DEF8: variants seen among roughly 807,000 people sequenced by gnomAD.
The protein encoded by DEF8 is DEF-8.
DEF8 carries 38 observed loss-of-function variants against 59.1 expected under a neutral mutation model. The observed-to-expected ratio is 0.64, with a 90% CI of 0.50 to 0.84. DEF8 has a LOEUF of 0.84. Among genes scored for constraint, DEF8 ranks in the 40% least tolerant of loss-of-function variants. The probability of loss-of-function intolerance (pLI) is 0.00; values close to 1 mark genes in which losing one functional copy is unlikely to be tolerated. For synonymous variants in DEF8, 265 were observed against 250.1 expected (o/e 1.06, Z -0.56); for missense variants, 557 against 615.2 (o/e 0.91, Z 1.00).
intron 6 of DEF8, among the ~76,000 whole-genome samples, chr16:89,960,387 T>C (rs1001721618): frequency 1.3e-5 from 2 of 152,074 alleles, no homozygotes; most frequent in Non-Finnish European, 2.9e-5. Flanking sequence ...CTCACGCCTG[T>C]AATCCTAGGG....
rs143003430 is a variant in DEF8, at chr16:89,965,718, G to T, written c.1254-143G>T. On this transcript the variant is annotated intron_variant, in intron 12 of 12. Coordinates refer to ENST00000563594, the MANE Select transcript of DEF8 (RefSeq NM_001242818.2). Reference sequence around the variant, plus strand: ...TAAGCGCTCTGCACACGGCCATACAGTCACTTGCATCTGGCTGCAGACTCC... The same window carrying T: ...TAAGCGCTCTGCACACGGCCATACATTCACTTGCATCTGGCTGCAGACTCC... 4.8e-3 allele frequency: 2,806 copies of T among 587,144 alleles called. 10 individuals are homozygous for T. The highest frequency in any genetic ancestry group is 6.6e-3 in the Non-Finnish European group (2,158 of 327,372). The allele number at this position is 587,144 out of a possible 1,614,324, so 36.4% of individuals were successfully genotyped here.
intron 10 of DEF8, among the ~76,000 whole-genome samples, 196 bp downstream of exon 10, chr16:89,963,639 C>G (rs918877934): frequency 6.6e-6 from 1 of 152,190 alleles, no homozygotes; most frequent in Non-Finnish European, 1.5e-5. Flanking sequence ...GTTTGGCAAA[C>G]CCTGCAGCCC....
At chr16:89,955,637 G>C (rs1349760032) in intron 4 of DEF8, among the ~76,000 whole-genome samples, 1 of 152,202 alleles carries the variant, frequency 6.6e-6, no homozygotes, top group African/African-American at 2.4e-5. Flanking sequence ...CCGAGAGTCA[G>C]GGTGTGGGAG....
Position 89,954,464 on chromosome 16 carries a change from C to T in DEF8, c.124+88C>T, listed in dbSNP as rs1460798207. ...TCCTTTCTTCCTGCCGCGTCCTGCG[C>T]AGCCCTGGCTTTCCCACGGAGCCGG... On this transcript the variant is annotated intron_variant, in intron 3 of 12. Transcript: ENST00000563594. This position sits in a 1 kb window ranked among gnomAD's most constrained non-coding sequence, Gnocchi z 4.3. 6 of 1,458,772 alleles carry T rather than the reference C, an allele frequency of 4.1e-6. No homozygotes were observed. Among genetic ancestry groups the T allele is most frequent in the African/African-American group, 1.4e-5 (1 of 70,678 alleles). 90.4% of individuals were successfully genotyped at this position (1,458,772 alleles called of 1,614,324 possible).
At position 89,959,934 on chromosome 16, in the gene DEF8, G is replaced by A. The variant is rs143139898; in HGVS notation, c.514+779G>A. Among the ~76,000 whole-genome samples, 275 of 152,268 alleles carry A rather than the reference G, an allele frequency of 1.8e-3. 2 individuals are homozygous for A. Among genetic ancestry groups the A allele is most frequent in the African/African-American group, 6.4e-3 (267 of 41,554 alleles). ...TAAGGAGGAGCAGAGAGCCAGGTGT[G>A]GCTGCAGCTTTGTGTCTGGAGGACT... On this transcript the variant is annotated intron_variant, in intron 6 of 12. Coordinates refer to ENST00000563594, the MANE Select transcript of DEF8 (RefSeq NM_001242818.2).
At position 89,967,605 on chromosome 16, in the gene DEF8, C is replaced by G. The variant is rs897902582; in HGVS notation, c.*1642C>G. On this transcript the variant is annotated 3_prime_UTR_variant, in exon 13 of 13. Coordinates refer to ENST00000563594, the MANE Select transcript of DEF8 (RefSeq NM_001242818.2). ...CAGTGTGGGTTCCTGTCCTGTTTCCCCTTCCTCTTTGGGGCTGAGGAGGAG... is the reference window on the plus strand; with the variant it reads ...CAGTGTGGGTTCCTGTCCTGTTTCCGCTTCCTCTTTGGGGCTGAGGAGGAG... 1 of 397,612 alleles carries G rather than the reference C, an allele frequency of 2.5e-6. No homozygotes were observed. The highest frequency in any genetic ancestry group is 4.4e-6 in the Non-Finnish European group (1 of 225,938). The allele number at this position is 397,612 out of a possible 1,614,324, so 24.6% of individuals were successfully genotyped here.
Position 89,954,147 on chromosome 16 carries a change from G to T in DEF8, c.-10-96G>T. ...CACTTTAGGGAAGTGAAAGAGGCCAGCCTCACCCCAGACACCCCAGTGTGG... is the reference window on the plus strand; with the variant it reads ...CACTTTAGGGAAGTGAAAGAGGCCATCCTCACCCCAGACACCCCAGTGTGG... On this transcript the variant is annotated intron_variant, in intron 2 of 12. Transcript: ENST00000563594. This position sits in a 1 kb window ranked among gnomAD's most constrained non-coding sequence, Gnocchi z 4.3. 7.0e-7 allele frequency: 1 copy of T among 1,419,596 alleles called. No homozygotes were observed. 87.9% of individuals were successfully genotyped at this position (1,419,596 alleles called of 1,614,324 possible). A position where few individuals can be genotyped will look rare whatever the true frequency, so the allele number is the denominator to read the frequency against.
At chr16:89,962,943 C>T (rs372070111) in intron 9 of DEF8, among the ~76,000 whole-genome samples, 7 of 152,214 alleles carry the variant, frequency 4.6e-5, no homozygotes, top group African/African-American at 1.4e-4. Context: ...ACGGGAGCTG[C>T]AGTCCTGGCA....
At chr16:89,961,176 AAGTC>A in intron 7 of DEF8, 81 bp downstream of exon 7, 1 of 1,535,212 alleles carries the variant, frequency 6.5e-7, no homozygotes, top group Non-Finnish European at 8.8e-7. Context: ...AAGGGCACGT[AAGTC>A]AGACAGTTGA....
At chr16:89,959,581 A>G (rs989794045) in intron 6 of DEF8, among the ~76,000 whole-genome samples, 14 of 152,042 alleles carry the variant, frequency 9.2e-5, no homozygotes, top group Non-Finnish European at 5.9e-5. Context: ...TGCAAGCTCC[A>G]CCTCCCGGGT....
Position 89,954,380 on chromosome 16 carries a change from GGTGCTGGT to G in DEF8, c.124+6_124+13del. On this transcript the variant is annotated splice_donor_5th_base_variant and intron_variant, in intron 3 of 12. Coordinates refer to ENST00000563594, the MANE Select transcript of DEF8 (RefSeq NM_001242818.2). The surrounding 1 kb of genome is among the most constrained non-coding windows in gnomAD (Gnocchi z 4.3). ...GTCCCGGACGTCACTCCTGAAGGTG[GGTGCTGGT>G]GGGAGTCAGGGTGGGAGCTGGGCAG... The G allele has an allele frequency of 6.2e-7, 1 of 1,613,006 alleles. No individual in the cohort carries two copies. The highest frequency in any genetic ancestry group is 8.5e-7 in the Non-Finnish European group (1 of 1,179,498).
Position 89,965,942 on chromosome 16 carries a change from A to G in DEF8, c.1335A>G (p.Pro445=). The G allele has an allele frequency of 6.2e-7, 1 of 1,613,338 alleles. No homozygotes were observed. Among genetic ancestry groups the G allele is most frequent in the Non-Finnish European group, 8.5e-7 (1 of 1,179,604 alleles). The change falls in exon 13 of 13, where the codon CCA becomes CCG. Residue 445 remains proline, a synonymous_variant. Coordinates refer to ENST00000563594, the MANE Select transcript of DEF8 (RefSeq NM_001242818.2). ...SLRKQSLFQE[P]GPDVEA Reference sequence around the variant, plus strand: ...GGAAGCAGTCGCTCTTCCAGGAGCCAGGTCCCGATGTGGAGGCCTAGCGCC... The same window carrying G: ...GGAAGCAGTCGCTCTTCCAGGAGCCGGGTCCCGATGTGGAGGCCTAGCGCC...
At chr16:89,949,933 C>T in intron 2 of DEF8, 1 of 830,956 alleles carries the variant, frequency 1.2e-6, no homozygotes, top group Non-Finnish European at 1.6e-6. Context: ...GCCGGCATCC[C>T]CAGGTCTGTG....
chr16:89,951,418 T>C (rs1449340849), intron 2 of DEF8, among the ~76,000 whole-genome samples: 1 of 152,074 alleles, frequency 6.6e-6, no homozygotes, highest in Non-Finnish European at 1.5e-5. Flanking sequence ...CTAATTTTTG[T>C]ATTTTTGGTA....
intron 11 of DEF8, 51 bp downstream of exon 11, chr16:89,964,361 G>T (rs761305262): frequency 9.8e-5 from 152 of 1,547,058 alleles, no homozygotes; most frequent in Non-Finnish European, 1.3e-4. Context: ...CCTGAGGGGG[G>T]ATTGGCAGGA....
intron 1 of DEF8, 64 bp from the exon 2 acceptor site, chr16:89,949,353 C>T (rs1183153552): frequency 3.7e-6 from 5 of 1,353,242 alleles, no homozygotes; most frequent in Non-Finnish European, 5.0e-6. Context: ...CCCGGGAGAC[C>T]GGGCGAGCTC....
chr16:89,960,854 G>A, intron 6 of DEF8, 77 bp from the exon 7 acceptor site: 2 of 1,520,008 alleles, frequency 1.3e-6, no homozygotes, highest in South Asian at 1.2e-5. Flanking sequence ...ACGGGGAGGG[G>A]GCAAGCCAGC....
chr16:89,950,104 G>A, intron 2 of DEF8: 1 of 989,298 alleles, frequency 1.0e-6, no homozygotes, highest in Non-Finnish European at 1.2e-6. Context: ...ACAGCTGCTG[G>A]GCAGAACGGA....
intron 6 of DEF8, among the ~76,000 whole-genome samples, 156 bp from the exon 7 acceptor site, chr16:89,960,775 C>G (rs1382646320): frequency 3.3e-5 from 5 of 152,160 alleles, no homozygotes; most frequent in Non-Finnish European, 7.3e-5. Flanking sequence ...AGAAAAGGAT[C>G]TTTGAGGTTC....
Sources: allele counts gnomAD v4.1 joint callset (sites outside exome capture counted in the v4.1 genomes callset), GRCh38; gene constraint gnomAD v4.1.1; non-coding constraint Gnocchi (gnomAD v3.1); transcripts MANE v1.5; gene names NCBI Gene and HGNC (gene_info 2026-07-23, HGNC 2026-07-21).